The following GPR39 variants were observed in gnomAD, a reference collection of about 807,000 sequenced individuals.
The protein encoded by GPR39 is G protein-coupled receptor 39.
Under a neutral mutation model 18.4 loss-of-function variants are expected in GPR39, and 23 were observed. That is an observed-to-expected ratio of 1.25 (90% confidence interval 0.90 to 1.77). GPR39 has a LOEUF of 1.77. Ranked by LOEUF, GPR39 falls within the 40% of genes most tolerant of loss-of-function variation. The probability of loss-of-function intolerance (pLI) is 0.00; values close to 1 mark genes in which losing one functional copy is unlikely to be tolerated. For synonymous variants in GPR39, 280 were observed against 257.9 expected (o/e 1.09, Z -0.82); for missense variants, 647 against 602.4 (o/e 1.07, Z -0.78).
rs148965924 is a variant in GPR39 at position 132,436,925 on chromosome 2, G to A, written c.856+19027G>A. ...ACTTGCTATGTGCCAGGTGTTCTAA[G>A]ATCTTTTTGTATGCTCATTCATTGA... is the stretch of plus-strand genomic sequence containing the variant. On this transcript the variant is annotated intron_variant, in intron 1 of 1. Coordinates refer to ENST00000329321, the MANE Select transcript of GPR39 (RefSeq NM_001508.3). Among the ~76,000 whole-genome samples the A allele has an allele frequency of 6.6e-5, 10 of 152,312 alleles. No individual in the cohort carries two copies. In the East Asian group the frequency reaches 1.5e-3, roughly 23 times the overall value.
intron 1 of GPR39, among the ~76,000 whole-genome samples, chr2:132,519,923 C>A (rs1679393404): frequency 1.3e-5 from 2 of 152,180 alleles, no homozygotes; most frequent in Non-Finnish European, 2.9e-5. Flanking sequence ...GTCTAAAATG[C>A]AAATGGGACC....
At chr2:132,464,657 G>A (rs754708673) in intron 1 of GPR39, among the ~76,000 whole-genome samples, 1 of 152,178 alleles carries the variant, frequency 6.6e-6, no homozygotes, top group South Asian at 2.1e-4. Context: ...GGGAAGGAGA[G>A]AGAATAAGCA....
intron 1 of GPR39, among the ~76,000 whole-genome samples, chr2:132,470,219 A>G (rs1558807746): frequency 6.6e-6 from 1 of 152,220 alleles, no homozygotes; most frequent in Non-Finnish European, 1.5e-5. Flanking sequence ...TGGTGGCACC[A>G]GCATTTCTGC....
chr2:132,578,073 T>TG (rs1250956700), intron 1 of GPR39, among the ~76,000 whole-genome samples: 1 of 151,472 alleles, frequency 6.6e-6, no homozygotes, highest in African/African-American at 2.4e-5. Flanking sequence ...TAGAGTTTTT[T>TG]TTTTTTTTTT....
rs143209246 is a variant in GPR39 at position 132,496,070 on chromosome 2, G to T, written c.856+78172G>T. 1.8e-3 allele frequency among the ~76,000 whole-genome samples: 275 copies of T among 152,212 alleles called. 1 individual carries two copies. Among genetic ancestry groups the T allele is most frequent in the African/African-American group, 6.3e-3 (260 of 41,498 alleles). ...TTTTCACCCCTGCCAGAAAACAGCC[G>T]CTGGGAAGGTTTGGGAAACCAGTCT... is the stretch of plus-strand genomic sequence containing the variant. On this transcript the variant is annotated intron_variant, in intron 1 of 1. Transcript: ENST00000329321.
chr2:132,619,902 C>T (rs113122578), intron 1 of GPR39, among the ~76,000 whole-genome samples: 1 of 152,010 alleles, frequency 6.6e-6, no homozygotes, highest in Non-Finnish European at 1.5e-5. Context: ...ACCACATCCC[C>T]ATCACTTCAG....
chr2:132,640,712 T>C (rs1244016046), intron 1 of GPR39, among the ~76,000 whole-genome samples: 1 of 152,212 alleles, frequency 6.6e-6, no homozygotes, highest in East Asian at 1.9e-4. Context: ...TACACTCTAT[T>C]AGGGCGTGAA....
At chr2:132,621,832 C>G (rs767220233) in intron 1 of GPR39, among the ~76,000 whole-genome samples, 21 of 152,204 alleles carry the variant, frequency 1.4e-4, no homozygotes, top group Non-Finnish European at 2.5e-4. Flanking sequence ...TTGGGCAATG[C>G]AATACATTGC....
At chr2:132,528,054 T>C (rs909385014) in intron 1 of GPR39, among the ~76,000 whole-genome samples, 33 of 152,320 alleles carry the variant, frequency 2.2e-4, no homozygotes, top group South Asian at 1.4e-3. Context: ...AGGGTTTTTA[T>C]GGTTTTGGGT....
chr2:132,596,408 T>G (rs1680949909), intron 1 of GPR39, among the ~76,000 whole-genome samples: 3 of 152,072 alleles, frequency 2.0e-5, no homozygotes, highest in South Asian at 2.1e-4. Flanking sequence ...GTGTTCTTCC[T>G]CTTCTTTCAC....
At chr2:132,610,917 A>T (rs916191570) in intron 1 of GPR39, among the ~76,000 whole-genome samples, 1 of 152,180 alleles carries the variant, frequency 6.6e-6, no homozygotes, top group Non-Finnish European at 1.5e-5. Context: ...TGGAGTAATA[A>T]ATAGGTGTGG....
At chr2:132,621,386 G>A (rs1401771753) in intron 1 of GPR39, among the ~76,000 whole-genome samples, 1 of 152,232 alleles carries the variant, frequency 6.6e-6, no homozygotes, top group Non-Finnish European at 1.5e-5. Flanking sequence ...TGAGCCTGGT[G>A]TCTAGAGCTG....
At chr2:132,588,932 C>G (rs1465514255) in intron 1 of GPR39, among the ~76,000 whole-genome samples, 3 of 152,076 alleles carry the variant, frequency 2.0e-5, no homozygotes, top group African/African-American at 4.8e-5. Flanking sequence ...ATAGAGAAAC[C>G]AAGCAGAAAG....
At chr2:132,460,630 A>G (rs956037365) in intron 1 of GPR39, among the ~76,000 whole-genome samples, 1 of 152,212 alleles carries the variant, frequency 6.6e-6, no homozygotes, top group African/African-American at 2.4e-5. Flanking sequence ...AAAGAAAAAA[A>G]GGTGGCAGAG....
At chr2:132,580,396 A>G (rs1680601976) in intron 1 of GPR39, among the ~76,000 whole-genome samples, 1 of 152,190 alleles carries the variant, frequency 6.6e-6, no homozygotes, top group African/African-American at 2.4e-5. Flanking sequence ...CAGGGACATT[A>G]GCAGGAAAGT....
intron 1 of GPR39, among the ~76,000 whole-genome samples, chr2:132,620,526 C>T (rs10166985): frequency 0.023 from 3,565 of 152,276 alleles, 126 homozygotes; most frequent in African/African-American, 0.08. Flanking sequence ...CAGGTCTGGG[C>T]TCAGACGCCC....
intron 1 of GPR39, among the ~76,000 whole-genome samples, chr2:132,428,845 A>T (rs1202370038): frequency 6.6e-6 from 1 of 152,248 alleles, no homozygotes. Context: ...GACATAAAAA[A>T]GTTGCATTAT....
intron 1 of GPR39, among the ~76,000 whole-genome samples, chr2:132,538,965 A>G (rs1402215008): frequency 6.6e-6 from 1 of 152,134 alleles, no homozygotes; most frequent in Non-Finnish European, 1.5e-5. Flanking sequence ...TGGCAGCGGG[A>G]ATTTCAAGCC....
chr2:132,599,692 G>A (rs1489207166), intron 1 of GPR39, among the ~76,000 whole-genome samples: 2 of 152,136 alleles, frequency 1.3e-5, no homozygotes, highest in African/African-American at 4.8e-5. Flanking sequence ...ATTAAGCATG[G>A]GAGCAAGGTG....
Sources: allele counts gnomAD v4.1 joint callset (sites outside exome capture counted in the v4.1 genomes callset), GRCh38; gene constraint gnomAD v4.1.1; transcripts MANE v1.5; gene names NCBI Gene and HGNC (gene_info 2026-07-23, HGNC 2026-07-21).